The following ZNF564 variants were observed in gnomAD, a reference collection of about 807,000 sequenced individuals.
The protein encoded by ZNF564 is zinc finger protein 564.
ZNF564 carries 5 observed loss-of-function variants against 10.5 expected under a neutral mutation model. The ratio of observed to expected loss-of-function variants is 0.48; its 90% CI spans 0.25 to 1.00. ZNF564 has a LOEUF of 1.00. Among genes scored for constraint, ZNF564 ranks in the 50% least tolerant of loss-of-function variants. The pLI, the probability that ZNF564 is intolerant of heterozygous loss-of-function variation, is 0.16. For missense variants in ZNF564, 603 were observed against 669.7 expected, an observed-to-expected ratio of 0.90 and a Z score of 1.10; for synonymous variants, 242 against 218.1, an observed-to-expected ratio of 1.11 and a Z score of -0.97.
intron 1 of ZNF564, among the ~76,000 whole-genome samples, chr19:12,546,432 G>A (rs1327997632): frequency 6.6e-6 from 1 of 152,154 alleles, no homozygotes; most frequent in Non-Finnish European, 1.5e-5. Flanking sequence ...TTACCTATAA[G>A]AAAGCCAGAC....
intron 1 of ZNF564, among the ~76,000 whole-genome samples, chr19:12,547,995 G>C (rs902495186): frequency 6.6e-6 from 1 of 151,658 alleles, no homozygotes; most frequent in African/African-American, 2.4e-5. Flanking sequence ...ATTTTTAGTA[G>C]AAACAGGGTT....
At chr19:12,547,811 CTTT>C (rs553349695) in intron 1 of ZNF564, among the ~76,000 whole-genome samples, 4 of 139,930 alleles carry the variant, frequency 2.9e-5, no homozygotes, top group Admixed American at 7.2e-5. Flanking sequence ...TATTCACTTA[CTTT>C]TTTTTTTTTT....
chr19:12,529,984 CAA>C (rs553631056), intron 1 of ZNF564: 52 of 51,898 alleles, frequency 1.0e-3, no homozygotes, highest in Non-Finnish European at 1.8e-3. Flanking sequence ...AACTCTGTCT[CAA>C]AAAAAAAAAA....
intron 1 of ZNF564, among the ~76,000 whole-genome samples, chr19:12,539,054 C>G (rs73002303): frequency 0.028 from 4,286 of 150,430 alleles, 74 homozygotes; most frequent in Non-Finnish European, 0.043. Context: ...GTGGCGCAAT[C>G]CAGTCTCTAC....
intron 1 of ZNF564, among the ~76,000 whole-genome samples, chr19:12,550,055 G>C (rs2022222762): frequency 6.6e-6 from 1 of 152,064 alleles, no homozygotes; most frequent in Admixed American, 6.6e-5. Flanking sequence ...CACTTTGGGA[G>C]GCCGAGGCAG....
rs556754053 is a variant in ZNF564, at chr19:12,529,052, G to C, written c.4-356C>G. Among the ~76,000 whole-genome samples the C allele has an allele frequency of 3.3e-5, 5 of 152,292 alleles. No individual in the cohort carries two copies. In the East Asian group the frequency reaches 9.6e-4, roughly 29 times the overall value. ...TGCACTTCAGCCTGGCTGACAGAGA[G>C]AGACCCCATCTCAAACAAACAAACA... On this transcript the variant is annotated intron_variant, in intron 1 of 3. Coordinates refer to ENST00000339282, the MANE Select transcript of ZNF564 (RefSeq NM_144976.4).
At chr19:12,549,580 T>C (rs17638989) in intron 1 of ZNF564, among the ~76,000 whole-genome samples, 68,594 of 152,086 alleles carry the variant, frequency 0.45, 16,828 homozygotes, top group Non-Finnish European at 0.56. Flanking sequence ...ATCATTTGTG[T>C]CTTTTCCTCT....
At chr19:12,528,136 T>C (rs148217048) in intron 3 of ZNF564, among the ~76,000 whole-genome samples, 168 bp downstream of exon 3, 1 of 152,302 alleles carries the variant, frequency 6.6e-6, no homozygotes, top group African/African-American at 2.4e-5. Flanking sequence ...TATTTCCAAG[T>C]GAATGATTTT....
Position 12,546,975 on chromosome 19 carries a change from C to A in ZNF564, c.3+4355G>T, listed in dbSNP as rs1048723937. Among the ~76,000 whole-genome samples, 13 of 152,128 alleles carry A rather than the reference C, an allele frequency of 8.5e-5. No individual in the cohort carries two copies. The East Asian group carries it at 2.3e-3, about 27-fold the overall frequency. ...ACAGACTAACCTCAGGAAAAATATT[C>A]TCTGACCTAGGATCCGATTTTGCAC... On this transcript the variant is annotated intron_variant, in intron 1 of 3. Transcript: ENST00000339282.
rs531240231 is a variant in ZNF564 at position 12,533,960 on chromosome 19, C to T, written c.4-5264G>A. Among the ~76,000 whole-genome samples the T allele has an allele frequency of 1.0e-4, 15 of 149,568 alleles. 1 individual carries two copies. The South Asian group carries it at 3.0e-3, about 30-fold the overall frequency. ...AGTCATGGTAAGAAAAAAGAAATTA[C>T]TAAGATCAGAAATGAAAGGAGGCAA... On this transcript the variant is annotated intron_variant, in intron 1 of 3. Coordinates refer to ENST00000339282, the MANE Select transcript of ZNF564 (RefSeq NM_144976.4).
chr19:12,528,741 C>A, intron 1 of ZNF564, 45 bp from the exon 2 acceptor site: 1 of 1,588,166 alleles, frequency 6.3e-7, no homozygotes, highest in Non-Finnish European at 8.5e-7. Context: ...AATGAGATGA[C>A]AGTACAGGGA....
intron 1 of ZNF564, among the ~76,000 whole-genome samples, chr19:12,531,285 G>C (rs531765228): frequency 6.6e-6 from 1 of 152,214 alleles, no homozygotes; most frequent in South Asian, 2.1e-4. Context: ...GCTCATGTCT[G>C]TAATCCCAGC....
At chr19:12,539,191 G>A (rs1456348362) in intron 1 of ZNF564, among the ~76,000 whole-genome samples, 1 of 136,868 alleles carries the variant, frequency 7.3e-6, no homozygotes, top group Non-Finnish European at 1.5e-5. Flanking sequence ...CTGAGATCGT[G>A]CCTCCTGTCA....
chr19:12,546,505 G>A (rs2022157062), intron 1 of ZNF564, among the ~76,000 whole-genome samples: 2 of 152,066 alleles, frequency 1.3e-5, no homozygotes, highest in African/African-American at 4.8e-5. Context: ...GAGGTGGACG[G>A]ATCACGAGGT....
intron 1 of ZNF564, chr19:12,548,622 C>G: frequency 1.8e-6 from 1 of 552,358 alleles, no homozygotes; most frequent in East Asian, 2.9e-5. Flanking sequence ...TAACAGGCGT[C>G]AGCCATCGCG....
In ZNF564 at chr19:12,551,337, T is replaced by G; in HGVS notation, c.-5A>C. 1 of 1,607,414 alleles carries G rather than the reference T, an allele frequency of 6.2e-7. No individual in the cohort carries two copies. Among genetic ancestry groups the G allele is most frequent in the Non-Finnish European group, 8.5e-7 (1 of 1,177,104 alleles). ...CCGGCCCCGCACACGCACCATTTCC[T>G]GGCTTCCAGGGTGTCCCGGGGTCCT... is the stretch of plus-strand genomic sequence containing the variant. On this transcript the variant is annotated 5_prime_UTR_variant, in exon 1 of 4. Coordinates refer to ENST00000339282, the MANE Select transcript of ZNF564 (RefSeq NM_144976.4).
chr19:12,544,846 T>C (rs947982842), intron 1 of ZNF564, among the ~76,000 whole-genome samples: 1 of 152,160 alleles, frequency 6.6e-6, no homozygotes, highest in Admixed American at 6.6e-5. Flanking sequence ...GAACTATCCT[T>C]TCTCTCTGGG....
At chr19:12,529,396 G>A (rs1336286907) in intron 1 of ZNF564, among the ~76,000 whole-genome samples, 1 of 151,734 alleles carries the variant, frequency 6.6e-6, no homozygotes, top group Non-Finnish European at 1.5e-5. Flanking sequence ...ACAAGGTCAG[G>A]AGTTTGAGAC....
chr19:12,533,861 G>A (rs1412697783), intron 1 of ZNF564, among the ~76,000 whole-genome samples: 1 of 147,968 alleles, frequency 6.8e-6, no homozygotes, highest in Non-Finnish European at 1.5e-5. Context: ...TGAAATGGCA[G>A]GAAATCAATA....
Sources: allele counts gnomAD v4.1 joint callset (sites outside exome capture counted in the v4.1 genomes callset), GRCh38; gene constraint gnomAD v4.1.1; transcripts MANE v1.5; gene names NCBI Gene and HGNC (gene_info 2026-07-23, HGNC 2026-07-21).